NLGN3: variants seen among roughly 807,000 people sequenced by gnomAD.
NLGN3 encodes the protein neuroligin 3, also known as neuroligin-3.
A neutral mutation model predicts 42.9 loss-of-function variants in NLGN3; 11 were observed. The ratio of observed to expected loss-of-function variants is 0.26; its 90% CI spans 0.16 to 0.42. The LOEUF (loss-of-function observed/expected upper bound fraction) is 0.42. NLGN3 is among the 10% of genes least tolerant of loss of function. The probability of loss-of-function intolerance (pLI) is 1.00; values close to 1 mark genes in which losing one functional copy is unlikely to be tolerated. For synonymous variants in NLGN3, 279 were observed against 312.7 expected, an observed-to-expected ratio of 0.89 and a Z score of 1.14; for missense variants, 374 against 733.8, an observed-to-expected ratio of 0.51 and a Z score of 5.67.
intron 5 of NLGN3, among the ~76,000 whole-genome samples, chrX:71,156,671 G>T (rs2092410389): frequency 1.8e-5 from 2 of 109,643 alleles, no homozygotes; most frequent in South Asian, 7.9e-4. Context: ...CCTCTACCCA[G>T]GCCCAACCGC....
rs2092449337 is a variant in NLGN3, at chrX:71,167,015, T to C, written c.918T>C (p.Leu306=). 8.4e-7 allele frequency: 1 copy of C among 1,190,338 alleles called. No homozygotes were observed. The highest frequency in any genetic ancestry group is 1.8e-5 in the South Asian group (1 of 54,614). The change falls in exon 7 of 8, where the codon CTT becomes CTC. Residue 306 remains leucine, a synonymous_variant. Transcript: ENST00000358741. The part of the protein sequence containing the change: ...LLTLSHHSEG[L]FQRAIIQSGS... ...GGTGCTACCTGTCTTCTGTAGGACTTTTCCAGAGAGCCATCATCCAAAGTG... is the reference window on the plus strand; with the variant it reads ...GGTGCTACCTGTCTTCTGTAGGACTCTTCCAGAGAGCCATCATCCAAAGTG...
intron 5 of NLGN3, among the ~76,000 whole-genome samples, chrX:71,162,307 A>C (rs190640729): frequency 9.0e-6 from 1 of 110,802 alleles, no homozygotes; most frequent in Non-Finnish European, 1.9e-5. Context: ...TGTTTTAAAA[A>C]CAAAAAGGGA....
chrX:71,170,161 A>G lies in NLGN3; in HGVS notation c.*64A>G. Reference sequence around the variant, plus strand: ...CTCCCAGATCCAGGAACACATGCACACACACACACACACACACGCAGACAC... The same window carrying G: ...CTCCCAGATCCAGGAACACATGCACGCACACACACACACACACGCAGACAC... On this transcript the variant is annotated 3_prime_UTR_variant, in exon 8 of 8. Transcript: ENST00000358741. 1 of 1,081,970 alleles carries G rather than the reference A, an allele frequency of 9.2e-7. No individual in the cohort carries two copies. Among genetic ancestry groups the G allele is most frequent in the South Asian group, 1.9e-5 (1 of 52,300 alleles). The allele number at this position is 1,081,970 out of a possible 1,213,427, so 89.2% of individuals were successfully genotyped here. A position where few individuals can be genotyped will look rare whatever the true frequency, so the allele number is the denominator to read the frequency against.
chrX:71,154,180 C>T (rs2092400394), intron 4 of NLGN3, among the ~76,000 whole-genome samples: 1 of 113,214 alleles, frequency 8.8e-6, no homozygotes, highest in Admixed American at 9.2e-5. Context: ...GCATAAGATC[C>T]TTGGGCAATG....
At position 71,164,235 on chromosome X, in the gene NLGN3, T is replaced by C. The variant is rs755458577; in HGVS notation, c.820T>C (p.Phe274Leu). 1 of 1,212,536 alleles carries C rather than the reference T, an allele frequency of 8.2e-7. No homozygotes were observed. The highest frequency in any genetic ancestry group is 1.1e-6 in the Non-Finnish European group (1 of 895,613). ...ALRWVSENIAFFGGDPRRITV... is the reference protein window; with the variant it reads ...ALRWVSENIALFGGDPRRITV... The stretch of plus-strand genomic sequence containing the variant: ...CCGCTGGGTGAGCGAGAATATTGCC[T>C]TCTTCGGGGGAGACCCCCGCCGGAT... The change falls in exon 6 of 8, where the codon TTC becomes CTC. Residue 274 changes from phenylalanine (F) to leucine (L), a missense_variant. Around this residue, in one of 6 missense-constraint regions of NLGN3, gnomAD observed 28 missense variants for 48.2 expected, o/e 0.58. Transcript: ENST00000358741.
chrX:71,151,945 G>A (rs2092392815), intron 3 of NLGN3, among the ~76,000 whole-genome samples: 2 of 111,889 alleles, frequency 1.8e-5, no homozygotes, highest in Admixed American at 9.4e-5. Context: ...GTGTTAAGAC[G>A]GTAGGTGCCA....
intron 5 of NLGN3, among the ~76,000 whole-genome samples, chrX:71,162,871 G>T: frequency 8.9e-6 from 1 of 111,929 alleles, no homozygotes; most frequent in East Asian, 2.8e-4. Flanking sequence ...TGCTGTGAAT[G>T]AGCTTTTAAC....
intron 5 of NLGN3, among the ~76,000 whole-genome samples, chrX:71,156,587 C>T (rs2092409971): frequency 9.1e-6 from 1 of 110,204 alleles, no homozygotes; most frequent in Non-Finnish European, 1.9e-5. Context: ...TGCACTTCTC[C>T]CCTCACCCCA....
At chrX:71,165,834 G>A (rs752861249) in intron 6 of NLGN3, among the ~76,000 whole-genome samples, 2 of 111,720 alleles carry the variant, frequency 1.8e-5, no homozygotes, top group East Asian at 2.8e-4. Flanking sequence ...GTGCCTGGCC[G>A]AGGTTTGACT....
intron 6 of NLGN3, among the ~76,000 whole-genome samples, chrX:71,166,769 T>C (rs756694943): frequency 1.8e-5 from 2 of 111,567 alleles, no homozygotes; most frequent in African/African-American, 3.3e-5. Context: ...TAATTCTTCC[T>C]GACATTGCCT....
intron 1 of NLGN3, among the ~76,000 whole-genome samples, chrX:71,146,153 T>TCACACACACA (rs752225810): frequency 1.5e-3 from 39 of 26,338 alleles, no homozygotes; most frequent in Non-Finnish European, 2.0e-3. Context: ...TCTCTCTCTC[T>TCACACACACA]CACACACACA....
At chrX:71,146,153 T>TCCCACACACACA (rs1185227027) in intron 1 of NLGN3, among the ~76,000 whole-genome samples, 1 of 26,345 alleles carries the variant, frequency 3.8e-5, no homozygotes, top group Non-Finnish European at 7.0e-5. Flanking sequence ...TCTCTCTCTC[T>TCCCACACACACA]CACACACACA....
At chrX:71,174,040 A>C (rs1344773325), downstream of NLGN3, among the ~76,000 whole-genome samples, 2 of 111,960 alleles carry the variant, frequency 1.8e-5, no homozygotes, top group Admixed American at 1.9e-4. Context: ...TCACAACAGA[A>C]GAGTTTGGCA....
chrX:71,148,928 G>T, intron 3 of NLGN3, 23 bp downstream of exon 3: 1 of 988,043 alleles, frequency 1.0e-6, no homozygotes, highest in Non-Finnish European at 1.4e-6. Context: ...CCGGCGGGGA[G>T]GGAGAGAGAG....
At chrX:71,156,245 C>T (rs2092408388) in intron 5 of NLGN3, among the ~76,000 whole-genome samples, 1 of 107,753 alleles carries the variant, frequency 9.3e-6, no homozygotes, top group Non-Finnish European at 1.9e-5. Context: ...TACACACGCC[C>T]GTATCCCCCT....
At chrX:71,161,115 C>CTT (rs375604446) in intron 5 of NLGN3, among the ~76,000 whole-genome samples, 2 of 91,215 alleles carry the variant, frequency 2.2e-5, no homozygotes, top group Non-Finnish European at 4.3e-5. Flanking sequence ...TCTTTTCTTT[C>CTT]TTTTTTTTTT....
At chrX:71,146,168 C>CAG (rs747635956) in intron 1 of NLGN3, among the ~76,000 whole-genome samples, 1 of 49,012 alleles carries the variant, frequency 2.0e-5, no homozygotes, top group Non-Finnish European at 3.2e-5. Context: ...CACACACACA[C>CAG]ACAGACACAC....
chrX:71,169,148 G>T (rs1228642335), intron 7 of NLGN3, 106 bp from the exon 8 acceptor site: 1 of 940,915 alleles, frequency 1.1e-6, no homozygotes, highest in South Asian at 2.1e-5. Context: ...TGGAAATGGT[G>T]GGAAGTTCTA....
chrX:71,153,788 C>T (rs1302297538), intron 4 of NLGN3, among the ~76,000 whole-genome samples: 1 of 112,204 alleles, frequency 8.9e-6, no homozygotes, highest in African/African-American at 3.2e-5. Flanking sequence ...CTGGGTCTCC[C>T]GCCCCTTCCC....
Sources: allele counts gnomAD v4.1 joint callset (sites outside exome capture counted in the v4.1 genomes callset), GRCh38; gene constraint gnomAD v4.1.1; regional missense constraint gnomAD v4.1.1; transcripts MANE v1.5; gene names NCBI Gene and HGNC (gene_info 2026-07-23, HGNC 2026-07-21).